The following CPNE8 variants were observed in gnomAD, a reference collection of about 807,000 sequenced individuals.
CPNE8 encodes the protein copine-8.
A neutral mutation model predicts 81.5 loss-of-function variants in CPNE8; 45 were observed. That is an observed-to-expected ratio of 0.55 (90% confidence interval 0.44 to 0.71). CPNE8 has a LOEUF of 0.71. Ranked by LOEUF, CPNE8 falls within the 30% of genes least tolerant of loss-of-function variation. CPNE8 has a pLI of 0.00. For missense variants in CPNE8, 594 were observed against 672.1 expected (o/e 0.88, Z 1.28); for synonymous variants, 252 against 226.3 (o/e 1.11, Z -1.02).
At chr12:38,825,813 A>G (rs1048474782) in intron 6 of CPNE8, among the ~76,000 whole-genome samples, 4 of 152,230 alleles carry the variant, frequency 2.6e-5, no homozygotes, top group African/African-American at 9.6e-5. Flanking sequence ...GCGTTGGAAC[A>G]TCTGATCCAG....
intron 6 of CPNE8, among the ~76,000 whole-genome samples, chr12:38,785,864 T>C (rs1021343493): frequency 3.3e-5 from 5 of 151,998 alleles, no homozygotes; most frequent in African/African-American, 9.7e-5. Flanking sequence ...AGTTATAAGA[T>C]AATATCTGCA....
chr12:38,710,268 C>CAAA (rs57376063), intron 13 of CPNE8, among the ~76,000 whole-genome samples: 3,942 of 50,316 alleles, frequency 0.078, 338 homozygotes, highest in African/African-American at 0.2. Context: ...AATAAGCTAA[C>CAAA]AAAAAAAAAA....
At chr12:38,892,325 C>T (rs1944324432) in intron 1 of CPNE8, among the ~76,000 whole-genome samples, 1 of 152,166 alleles carries the variant, frequency 6.6e-6, no homozygotes, top group African/African-American at 2.4e-5. Context: ...ACAAAGGGGA[C>T]ACGCTGAAAC....
Position 38,831,909 on chromosome 12 carries a change from C to A in CPNE8, c.331-2454G>T, listed in dbSNP as rs539849370. On this transcript the variant is annotated intron_variant, in intron 5 of 19. Transcript: ENST00000331366. ...ATACTACATATTAAATGGACTTTGC[C>A]AATGGAGTAGCGAGTCTCAGTAAAA... 2.6e-5 allele frequency among the ~76,000 whole-genome samples: 4 copies of A among 152,210 alleles called. No homozygotes were observed. The South Asian group carries it at 8.3e-4, about 32-fold the overall frequency.
At chr12:38,738,508 T>C (rs768145453) in intron 10 of CPNE8, among the ~76,000 whole-genome samples, 45 of 152,286 alleles carry the variant, frequency 3.0e-4, no homozygotes, top group Admixed American at 6.5e-4. Context: ...TTGTGCTGTA[T>C]AGATAAGGGA....
chr12:38,803,605 G>C (rs1174096488), intron 6 of CPNE8, among the ~76,000 whole-genome samples: 1 of 142,640 alleles, frequency 7.0e-6, no homozygotes, highest in Non-Finnish European at 1.5e-5. Flanking sequence ...CACAAGACAG[G>C]GATGCCCTCT....
At chr12:38,800,176 G>A (rs925296325) in intron 6 of CPNE8, among the ~76,000 whole-genome samples, 1 of 118,174 alleles carries the variant, frequency 8.5e-6, no homozygotes, top group East Asian at 2.4e-4. Context: ...AGGCCTGCCT[G>A]CCTCTGTAGG....
At chr12:38,806,552 AC>A (rs1490207757) in intron 6 of CPNE8, among the ~76,000 whole-genome samples, 1 of 149,790 alleles carries the variant, frequency 6.7e-6, no homozygotes, top group Non-Finnish European at 1.5e-5. Context: ...AAATTCAACA[AC>A]CCTTCATGCT....
intron 19 of CPNE8, among the ~76,000 whole-genome samples, chr12:38,668,526 C>A (rs532178482): frequency 6.6e-6 from 1 of 152,292 alleles, no homozygotes; most frequent in Non-Finnish European, 1.5e-5. Flanking sequence ...TCTTAAGCAT[C>A]ATTTAAATAG....
intron 3 of CPNE8, among the ~76,000 whole-genome samples, chr12:38,872,700 CTT>C (rs1257558228): frequency 6.6e-6 from 1 of 152,156 alleles, no homozygotes; most frequent in East Asian, 1.9e-4. Flanking sequence ...AAAAATAAGA[CTT>C]AACCCACAAA....
intron 6 of CPNE8, among the ~76,000 whole-genome samples, chr12:38,814,977 G>C (rs568923417): frequency 6.6e-6 from 1 of 151,990 alleles, no homozygotes; most frequent in African/African-American, 2.4e-5. Flanking sequence ...AATACCTTAC[G>C]TATGATACTT....
intron 6 of CPNE8, among the ~76,000 whole-genome samples, chr12:38,813,763 C>A (rs1240209711): frequency 6.6e-6 from 1 of 152,140 alleles, no homozygotes; most frequent in Non-Finnish European, 1.5e-5. Flanking sequence ...CAGAATTCTG[C>A]ATAAAATTCC....
At chr12:38,906,273 C>T (rs2137180050), upstream of CPNE8, 3 of 985,472 alleles carry the variant, frequency 3.0e-6, no homozygotes, top group African/African-American at 1.7e-5. Context: ...CATTGTGACG[C>T]TCTCCAACCT....
chr12:38,762,947 C>T (rs182591689), intron 8 of CPNE8, among the ~76,000 whole-genome samples: 1 of 152,304 alleles, frequency 6.6e-6, no homozygotes, highest in East Asian at 1.9e-4. Flanking sequence ...CAACCTCTGC[C>T]GCCCGGGTTC....
intron 4 of CPNE8, among the ~76,000 whole-genome samples, chr12:38,840,376 T>G (rs1943448715): frequency 6.6e-6 from 1 of 152,096 alleles, no homozygotes; most frequent in Non-Finnish European, 1.5e-5. Context: ...ATCCTTGAGG[T>G]GATAGAAATG....
Position 38,846,977 on chromosome 12 carries a change from G to C in CPNE8, c.290+1582C>G, listed in dbSNP as rs144850403. On this transcript the variant is annotated intron_variant, in intron 4 of 19. Transcript: ENST00000331366. ...TATATGCATATTTTGTGGCATAAAA[G>C]GATATCTGCAAAATACAAGGTAAAG... 2.6e-5 allele frequency among the ~76,000 whole-genome samples: 4 copies of C among 151,958 alleles called. No homozygotes were observed. The East Asian group carries it at 5.8e-4, about 22-fold the overall frequency.
intron 6 of CPNE8, among the ~76,000 whole-genome samples, chr12:38,784,256 T>A (rs971935576): frequency 6.6e-6 from 1 of 152,152 alleles, no homozygotes; most frequent in African/African-American, 2.4e-5. Flanking sequence ...ATGGCAGAGT[T>A]GATCATGCAG....
chr12:38,767,882 A>G, intron 7 of CPNE8, 144 bp from the exon 8 acceptor site: 1 of 474,866 alleles, frequency 2.1e-6, no homozygotes, highest in Non-Finnish European at 3.6e-6. Flanking sequence ...ACAACATAAA[A>G]TTGCTTTTTA....
intron 13 of CPNE8, among the ~76,000 whole-genome samples, chr12:38,708,499 A>T (rs1940170078): frequency 6.6e-6 from 1 of 152,224 alleles, no homozygotes; most frequent in Admixed American, 6.5e-5. Context: ...TATGTTTTAG[A>T]AGCAGAAAAG....
Sources: gnomAD v4.1 joint callset for allele counts (sites outside exome capture counted in the v4.1 genomes callset) on GRCh38, gnomAD v4.1.1 for gene constraint, MANE v1.5 for transcripts, NCBI Gene and HGNC (gene_info 2026-07-23, HGNC 2026-07-21) for gene names.